WDHD1: variants seen among roughly 807,000 people sequenced by gnomAD.
The protein encoded by WDHD1 is WD repeat and HMG-box DNA-binding protein 1.
In WDHD1, 111 loss-of-function variants were observed where a neutral mutation model predicts 135.4. That is an observed-to-expected ratio of 0.82 (90% CI 0.70 to 0.96). The LOEUF is 0.96. WDHD1 is among the 40% of genes least tolerant of loss of function. WDHD1 has a pLI of 0.00. For missense variants in WDHD1, 1,351 were observed against 1,336.3 expected, an observed-to-expected ratio of 1.01 and a Z score of -0.17; for synonymous variants, 434 against 439.0, an observed-to-expected ratio of 0.99 and a Z score of 0.14.
chr14:54,947,850 C>T (rs2040955715), intron 24 of WDHD1, among the ~76,000 whole-genome samples: 1 of 151,842 alleles, frequency 6.6e-6, no homozygotes, highest in South Asian at 2.1e-4. Context: ...CCTCAGCCTC[C>T]CAAAGTGCTG....
rs2042061873 is a variant in WDHD1 at position 55,005,950 on chromosome 14, A to G, written c.600+1330T>C. The stretch of plus-strand genomic sequence containing the variant: ...CAAGATCATAGCCCACTGCAGCCTT[A>G]ATCTCCTGGGCTCAAGTGATACTCC... On this transcript the variant is annotated intron_variant, in intron 7 of 25. Transcript: ENST00000360586. Among the ~76,000 whole-genome samples, 6 of 152,008 alleles carry G rather than the reference A, an allele frequency of 3.9e-5. 1 individual carries two copies. The South Asian group carries it at 1.2e-3, about 32-fold the overall frequency.
rs771757942 is a variant in WDHD1 at position 54,967,365 on chromosome 14, G to C, written c.2093C>G (p.Pro698Arg). ...RCIPCKGSRF[P>R]PTLPRPAVAI... Reference sequence around the variant, plus strand: ...AACAGCAGGGCGTGGAAGGGTTGGGGGAAACCGAGAACCTTTACAAGGAAT... The same window carrying C: ...AACAGCAGGGCGTGGAAGGGTTGGGCGAAACCGAGAACCTTTACAAGGAAT... Residue 698 changes from proline (P) to arginine (R), a missense_variant, in exon 17 of 26, where the codon CCC becomes CGC. Around this residue, in one of 2 missense-constraint regions of WDHD1, gnomAD observed 1,330 missense variants for 1,296.1 expected, o/e 1.03. Transcript: ENST00000360586. The C allele has an allele frequency of 2.5e-6, 4 of 1,611,758 alleles. No homozygotes were observed. The highest frequency in any genetic ancestry group is 3.4e-6 in the Non-Finnish European group (4 of 1,178,668).
At chr14:55,017,562 C>T (rs1406493806) in intron 2 of WDHD1, among the ~76,000 whole-genome samples, 1 of 152,102 alleles carries the variant, frequency 6.6e-6, no homozygotes, top group African/African-American at 2.4e-5. Context: ...AGCCTGGTCT[C>T]GAACTCTTGA....
At chr14:55,011,438 C>T (rs2042167039) in intron 3 of WDHD1, among the ~76,000 whole-genome samples, 1 of 149,082 alleles carries the variant, frequency 6.7e-6, no homozygotes, top group Non-Finnish European at 1.5e-5. Flanking sequence ...GGAGAAGAAT[C>T]ACCTGAACCC....
At chr14:54,941,877 C>T (rs1223131531) in intron 25 of WDHD1, among the ~76,000 whole-genome samples, 187 bp from the exon 26 acceptor site, 1 of 152,162 alleles carries the variant, frequency 6.6e-6, no homozygotes, top group African/African-American at 2.4e-5. Context: ...AAGATTTACA[C>T]TACTTTTATA....
intron 14 of WDHD1, among the ~76,000 whole-genome samples, chr14:54,986,376 C>G (rs2041694399): frequency 6.6e-6 from 1 of 151,952 alleles, no homozygotes; most frequent in Non-Finnish European, 1.5e-5. Flanking sequence ...TATTGCTATC[C>G]AGACTTGTAT....
chr14:54,995,488 C>T, intron 11 of WDHD1, 115 bp downstream of exon 11: 3 of 770,646 alleles, frequency 3.9e-6, no homozygotes, highest in Non-Finnish European at 5.7e-6. Flanking sequence ...ATAAAATTTC[C>T]TCTAAGCACC....
intron 19 of WDHD1, 47 bp from the exon 20 acceptor site, chr14:54,962,900 C>T (rs1344067318): frequency 2.2e-5 from 36 of 1,611,570 alleles, no homozygotes; most frequent in Non-Finnish European, 2.5e-5. Context: ...CAAAGACCAA[C>T]TTAACATTCA....
intron 24 of WDHD1, among the ~76,000 whole-genome samples, chr14:54,945,140 T>C (rs2040901971): frequency 6.6e-6 from 1 of 152,192 alleles, no homozygotes; most frequent in Non-Finnish European, 1.5e-5. Flanking sequence ...CCAAACCAGC[T>C]ATTTGAATTC....
intron 2 of WDHD1, among the ~76,000 whole-genome samples, chr14:55,018,273 C>T (rs2042292121): frequency 6.6e-6 from 1 of 152,070 alleles, no homozygotes; most frequent in Non-Finnish European, 1.5e-5. Context: ...TAGTGAAATG[C>T]AATTCATGAA....
intron 2 of WDHD1, among the ~76,000 whole-genome samples, chr14:55,025,049 G>C (rs1267501555): frequency 1.2e-5 from 1 of 85,452 alleles, no homozygotes; most frequent in Non-Finnish European, 2.6e-5. Context: ...CTGTCCCTGG[G>C]CAATGGAATG....
At position 54,938,960 on chromosome 14, in the gene WDHD1, A is replaced by G. The variant is rs1361037996; in HGVS notation, c.*2530T>C. 1 of 152,142 alleles carries G rather than the reference A, an allele frequency of 6.6e-6. No individual in the cohort carries two copies. 9.4% of individuals were successfully genotyped at this position (152,142 alleles called of 1,614,324 possible). A position where few individuals can be genotyped will look rare whatever the true frequency, so the allele number is the denominator to read the frequency against. On this transcript the variant is annotated 3_prime_UTR_variant, in exon 26 of 26. Transcript: ENST00000360586. ...TTATGGCATTGTAATTATGCAGAAG[A>G]AAATCTTTATTCTTAGGGTACATGC...
intron 2 of WDHD1, among the ~76,000 whole-genome samples, chr14:55,015,972 T>C (rs898298042): frequency 2.6e-5 from 4 of 152,206 alleles, no homozygotes; most frequent in African/African-American, 9.7e-5. Context: ...GTGCTGGGAT[T>C]ATAGGCATGA....
At chr14:54,967,896 C>T (rs757313019) in intron 16 of WDHD1, among the ~76,000 whole-genome samples, 2 of 152,200 alleles carry the variant, frequency 1.3e-5, no homozygotes, top group Non-Finnish European at 2.9e-5. Flanking sequence ...GTTGGGATTA[C>T]AGGCGTGAGC....
intron 16 of WDHD1, among the ~76,000 whole-genome samples, chr14:54,973,406 AC>A (rs1224215251): frequency 6.6e-6 from 1 of 152,014 alleles, no homozygotes; most frequent in Non-Finnish European, 1.5e-5. Flanking sequence ...AGATTCAAAT[AC>A]CCTCCCTTCT....
chr14:54,959,441 GAGGCAGGCAGGCAGGCAGGC>G (rs560707275), intron 21 of WDHD1, among the ~76,000 whole-genome samples: 1 of 145,726 alleles, frequency 6.9e-6, no homozygotes, highest in Non-Finnish European at 1.5e-5. Context: ...GGGAGGGAGG[GAGGCAGGCAGGCAGGCAGGC>G]AGGCAGGCAG....
At chr14:55,005,465 CTGACAT>C (rs1174673196) in intron 7 of WDHD1, 17 of 567,164 alleles carry the variant, frequency 3.0e-5, no homozygotes, top group Non-Finnish European at 5.4e-5. Flanking sequence ...TGATATGACA[CTGACAT>C]TGAAAGAGTT....
rs747236249 is a variant in WDHD1 at position 54,995,610 on chromosome 14, G to C, written c.1146C>G (p.Asn382Lys). Residue 382 changes from asparagine (N) to lysine (K), a missense_variant, in exon 11 of 26, where the codon AAC becomes AAG. Physicochemically the swap from Asn to Lys is moderately conservative, Grantham distance 94. Around this residue, in one of 2 missense-constraint regions of WDHD1, gnomAD observed 1,330 missense variants for 1,296.1 expected, o/e 1.03. Coordinates refer to ENST00000360586, the MANE Select transcript of WDHD1 (RefSeq NM_007086.4). Reference sequence around the variant, plus strand: ...ACAAAGTCAAATTCTTACCAACTGAGTTTTCATCATCTTCTAGGATGTGAC... The same window carrying C: ...ACAAAGTCAAATTCTTACCAACTGACTTTTCATCATCTTCTAGGATGTGAC... ...QRSHILEDDE[N>K]SVDISMLKTG... 6.3e-7 allele frequency: 1 copy of C among 1,590,068 alleles called. No homozygotes were observed. Among genetic ancestry groups the C allele is most frequent in the Non-Finnish European group, 8.5e-7 (1 of 1,169,946 alleles).
intron 2 of WDHD1, among the ~76,000 whole-genome samples, chr14:55,014,728 T>C (rs1166944401): frequency 6.6e-6 from 1 of 151,428 alleles, no homozygotes; most frequent in Non-Finnish European, 1.5e-5. Context: ...AAAAATAACA[T>C]ATAATAAACA....
Sources: gnomAD v4.1 joint callset for allele counts (sites outside exome capture counted in the v4.1 genomes callset) on GRCh38, gnomAD v4.1.1 for gene constraint, gnomAD v4.1.1 regional missense constraint, MANE v1.5 for transcripts, NCBI Gene and HGNC (gene_info 2026-07-23, HGNC 2026-07-21) for gene names.